Variants in CCPG1 observed in about 807,000 individuals in gnomAD.
The protein encoded by CCPG1 is cell cycle progression 1.
A neutral mutation model predicts 81.3 loss-of-function variants in CCPG1; 46 were observed. The ratio of observed to expected loss-of-function variants is 0.57; its 90% CI spans 0.45 to 0.72. The LOEUF is 0.72. CCPG1 is among the 30% of genes least tolerant of loss of function. The probability of loss-of-function intolerance (pLI) is 0.00; values close to 1 mark genes in which losing one functional copy is unlikely to be tolerated. For missense variants in CCPG1, 902 were observed against 937.6 expected, an observed-to-expected ratio of 0.96 and a Z score of 0.50; for synonymous variants, 330 against 305.2, an observed-to-expected ratio of 1.08 and a Z score of -0.85.
chr15:55,393,768 C>T (rs2056967141), intron 1 of CCPG1, among the ~76,000 whole-genome samples: 1 of 152,126 alleles, frequency 6.6e-6, no homozygotes, highest in African/African-American at 2.4e-5. Flanking sequence ...TCAGCTATGA[C>T]AGGAAATATC....
chr15:55,394,155 G>C (rs1276877713), intron 1 of CCPG1, among the ~76,000 whole-genome samples: 1 of 152,056 alleles, frequency 6.6e-6, no homozygotes, highest in Non-Finnish European at 1.5e-5. Context: ...ACCCTGCCCA[G>C]CTAATTTCTT....
chr15:55,395,611 C>T (rs935423391), intron 1 of CCPG1, among the ~76,000 whole-genome samples: 2 of 152,006 alleles, frequency 1.3e-5, no homozygotes, highest in African/African-American at 2.4e-5. Flanking sequence ...TTTACCTCCA[C>T]CGAAACTCCT....
intron 1 of CCPG1, among the ~76,000 whole-genome samples, chr15:55,395,608 C>A (rs2057001333): frequency 6.6e-6 from 1 of 152,008 alleles, no homozygotes; most frequent in African/African-American, 2.4e-5. Context: ...CCCTTTACCT[C>A]CACCGAAACT....
rs13329399 is a variant in CCPG1 at position 55,378,447 on chromosome 15, A to G, written c.176-71T>C. Reference sequence around the variant, plus strand: ...TCTCTGTTGACTTTCTGCAGCCAACATATAATCTGGGTAGATAAAAATCTC... The same window carrying G: ...TCTCTGTTGACTTTCTGCAGCCAACGTATAATCTGGGTAGATAAAAATCTC... On this transcript the variant is annotated intron_variant, in intron 3 of 8. Coordinates refer to ENST00000442196, the MANE Select transcript of CCPG1 (RefSeq NM_001204450.2). The G allele has an allele frequency of 0.011, 9,885 of 876,714 alleles. 726 individuals carry two copies. In the African/African-American group the frequency reaches 0.15, roughly 14 times the overall value. The allele number at this position is 876,714 out of a possible 1,614,324, so 54.3% of individuals were successfully genotyped here. A position where few individuals can be genotyped will look rare whatever the true frequency, so the allele number is the denominator to read the frequency against.
intron 1 of CCPG1, among the ~76,000 whole-genome samples, chr15:55,391,637 A>AT (rs1222781404): frequency 6.6e-6 from 1 of 152,176 alleles, no homozygotes; most frequent in Non-Finnish European, 1.5e-5. Context: ...ATTTGATAGC[A>AT]TTTTTTAAAG....
chr15:55,388,135 A>G (rs894033658), intron 2 of CCPG1, among the ~76,000 whole-genome samples: 3 of 152,158 alleles, frequency 2.0e-5, no homozygotes, highest in Non-Finnish European at 4.4e-5. Context: ...CAAGAGCGAC[A>G]GCCTGGACAA....
At chr15:55,393,691 A>G (rs1402187682) in intron 1 of CCPG1, among the ~76,000 whole-genome samples, 2 of 152,152 alleles carry the variant, frequency 1.3e-5, no homozygotes, top group East Asian at 1.9e-4. Flanking sequence ...GTACAGTAGT[A>G]TGAACACGGC....
At chr15:55,393,649 A>G (rs1213661311) in intron 1 of CCPG1, among the ~76,000 whole-genome samples, 1 of 152,056 alleles carries the variant, frequency 6.6e-6, no homozygotes, top group Non-Finnish European at 1.5e-5. Flanking sequence ...CATTATTTGG[A>G]TGCAAGGTCT....
intron 1 of CCPG1, among the ~76,000 whole-genome samples, chr15:55,403,184 C>T (rs183288013): frequency 3.1e-4 from 47 of 152,260 alleles, no homozygotes; most frequent in Admixed American, 1.4e-3. Context: ...ATTTTCATAT[C>T]TGATTTAATC....
chr15:55,362,279 G>T (rs1188946960), intron 7 of CCPG1, among the ~76,000 whole-genome samples: 2 of 150,010 alleles, frequency 1.3e-5, no homozygotes, highest in African/African-American at 2.5e-5. Context: ...AAACGTTATG[G>T]TTACCCCATT....
intron 3 of CCPG1, among the ~76,000 whole-genome samples, chr15:55,380,113 AAAG>A (rs1450273802): frequency 8.6e-5 from 13 of 151,568 alleles, no homozygotes; most frequent in African/African-American, 2.7e-4. Context: ...AAAAAAAAAA[AAAG>A]AAAAGAGCAT....
At chr15:55,364,075 C>T (rs1358334048) in intron 7 of CCPG1, among the ~76,000 whole-genome samples, 1 of 150,268 alleles carries the variant, frequency 6.7e-6, no homozygotes, top group African/African-American at 2.4e-5. Flanking sequence ...AGGTTACCAA[C>T]TTTGGGAATT....
intron 1 of CCPG1, among the ~76,000 whole-genome samples, chr15:55,406,436 C>CTTTTTTTTTTT (rs143238270): frequency 1.8e-3 from 222 of 126,246 alleles, no homozygotes; most frequent in Middle Eastern, 9.3e-3. Context: ...TTCTTTTTCT[C>CTTTTTTTTTTT]TTTTTTTTTT....
intron 1 of CCPG1, among the ~76,000 whole-genome samples, chr15:55,395,571 T>G (rs1595862992): frequency 6.6e-6 from 1 of 152,178 alleles, no homozygotes; most frequent in East Asian, 1.9e-4. Flanking sequence ...ACTCCAGGGC[T>G]TTACATATTC....
intron 3 of CCPG1, among the ~76,000 whole-genome samples, chr15:55,379,187 T>TGTGTGTGTGTGTGC (rs1360736692): frequency 6.7e-6 from 1 of 148,512 alleles, no homozygotes; most frequent in Non-Finnish European, 1.5e-5. Context: ...TGTGTGTGTG[T>TGTGTGTGTGTGTGC]GTGTGTCTAA....
chr15:55,372,257 C>CTGTT (rs1405680396), intron 5 of CCPG1: 1 of 584,698 alleles, frequency 1.7e-6, no homozygotes, highest in Non-Finnish European at 3.0e-6. Flanking sequence ...ACACAAGAAT[C>CTGTT]TGTTAATCAT....
intron 1 of CCPG1, among the ~76,000 whole-genome samples, chr15:55,397,855 T>C (rs2057050936): frequency 6.6e-6 from 1 of 152,084 alleles, no homozygotes; most frequent in Non-Finnish European, 1.5e-5. Flanking sequence ...TGGATGCCTG[T>C]AGTCCCAGCT....
At chr15:55,375,199 G>A (rs1029225321) in intron 5 of CCPG1, among the ~76,000 whole-genome samples, 4 of 152,140 alleles carry the variant, frequency 2.6e-5, no homozygotes, top group Admixed American at 1.3e-4. Context: ...CCTGAAAAAA[G>A]TTAATATGTA....
intron 3 of CCPG1, among the ~76,000 whole-genome samples, chr15:55,384,522 G>A (rs975628786): frequency 1.3e-5 from 2 of 152,068 alleles, no homozygotes; most frequent in African/African-American, 2.4e-5. Flanking sequence ...AGCTGGGCAC[G>A]GTGGCGCATG....
Sources: gnomAD v4.1 joint callset for allele counts (sites outside exome capture counted in the v4.1 genomes callset) on GRCh38, gnomAD v4.1.1 for gene constraint, MANE v1.5 for transcripts, NCBI Gene and HGNC (gene_info 2026-07-23, HGNC 2026-07-21) for gene names.